KCNH1: variants seen among roughly 807,000 people sequenced by gnomAD.
The protein encoded by KCNH1 is voltage-gated delayed rectifier potassium channel KCNH1.
Under a neutral mutation model 69.2 loss-of-function variants are expected in KCNH1, and 27 were observed. The observed-to-expected ratio is 0.39, with a 90% CI of 0.29 to 0.54. KCNH1 has a LOEUF of 0.54. Ranked by LOEUF, KCNH1 falls within the 20% of genes least tolerant of loss-of-function variation. The pLI, the probability that KCNH1 is intolerant of heterozygous loss-of-function variation, is 0.68. For missense variants in KCNH1, 798 were observed against 1,261.6 expected, an observed-to-expected ratio of 0.63 and a Z score of 5.57; for synonymous variants, 456 against 487.7, an observed-to-expected ratio of 0.93 and a Z score of 0.86.
At chr1:211,005,693 T>C (rs907610261) in intron 6 of KCNH1, among the ~76,000 whole-genome samples, 7 of 152,066 alleles carry the variant, frequency 4.6e-5, no homozygotes, top group African/African-American at 1.4e-4. Flanking sequence ...AACTTGAAAG[T>C]ACAAAATTTA....
intron 10 of KCNH1, among the ~76,000 whole-genome samples, chr1:210,685,218 G>A (rs754790415): frequency 1.3e-5 from 2 of 152,216 alleles, no homozygotes; most frequent in Non-Finnish European, 2.9e-5. Context: ...ACTCTGGGAC[G>A]TGTTTTGACC....
At chr1:211,113,382 A>G (rs1691507725) in intron 1 of KCNH1, among the ~76,000 whole-genome samples, 1 of 152,214 alleles carries the variant, frequency 6.6e-6, no homozygotes, top group African/African-American at 2.4e-5. Context: ...ATATACAATG[A>G]TGCCCTCTGG....
Position 211,062,259 on chromosome 1 carries a change from T to A in KCNH1, c.558+20521A>T, listed in dbSNP as rs541594661. Among the ~76,000 whole-genome samples, 4 of 152,252 alleles carry A rather than the reference T, an allele frequency of 2.6e-5. No individual in the cohort carries two copies. In the East Asian group the frequency reaches 7.7e-4, roughly 29 times the overall value. On this transcript the variant is annotated intron_variant, in intron 5 of 10. Coordinates refer to ENST00000271751, the MANE Select transcript of KCNH1 (RefSeq NM_172362.3). ...AAATGGTGCCAGGAAAACTGGATTA[T>A]CCATATGAAGAAGGATGAAATTAGA...
In KCNH1 at chr1:210,779,474, T is replaced by C. The variant is rs73069537; in HGVS notation, c.1916-3930A>G. Among the ~76,000 whole-genome samples, 611 of 152,290 alleles carry C rather than the reference T, an allele frequency of 4.0e-3. 1 individual carries two copies. Among genetic ancestry groups the C allele is most frequent in the African/African-American group, 0.014 (574 of 41,568 alleles). On this transcript the variant is annotated intron_variant, in intron 9 of 10. Coordinates refer to ENST00000271751, the MANE Select transcript of KCNH1 (RefSeq NM_172362.3). ...AAGTTACACACAATGCTGGAAATAA[T>C]GACTTCCCAGGTCAGGGTTGCAAAT...
intron 6 of KCNH1, among the ~76,000 whole-genome samples, chr1:210,951,788 T>C (rs1216395190): frequency 3.9e-5 from 6 of 152,154 alleles, no homozygotes; most frequent in Non-Finnish European, 8.8e-5. Flanking sequence ...TCAGTACAAA[T>C]AGAATAACCC....
chr1:210,779,133 G>T (rs1362719388), intron 9 of KCNH1, among the ~76,000 whole-genome samples: 1 of 152,144 alleles, frequency 6.6e-6, no homozygotes, highest in African/African-American at 2.4e-5. Context: ...AATAAATGGA[G>T]GGTAGATCCT....
chr1:210,962,156 C>T (rs985903779), intron 6 of KCNH1, among the ~76,000 whole-genome samples: 4 of 152,206 alleles, frequency 2.6e-5, no homozygotes, highest in Non-Finnish European at 5.9e-5. Flanking sequence ...CTAGTTCCAT[C>T]TCCTTACTCA....
intron 10 of KCNH1, among the ~76,000 whole-genome samples, chr1:210,715,779 A>G (rs1245473079): frequency 6.6e-6 from 1 of 152,104 alleles, no homozygotes; most frequent in Non-Finnish European, 1.5e-5. Flanking sequence ...TGGAAGGGAA[A>G]CGCTCTCTGA....
At chr1:210,773,218 T>C (rs573650004) in intron 10 of KCNH1, among the ~76,000 whole-genome samples, 12 of 152,276 alleles carry the variant, frequency 7.9e-5, no homozygotes, top group African/African-American at 2.2e-4. Flanking sequence ...AGGAAGAACA[T>C]TGGATGCACA....
At chr1:210,908,448 G>A (rs1432124716) in intron 7 of KCNH1, among the ~76,000 whole-genome samples, 1 of 152,142 alleles carries the variant, frequency 6.6e-6, no homozygotes, top group Non-Finnish European at 1.5e-5. Flanking sequence ...TCCCAGGAGG[G>A]ATGGAATCAA....
At chr1:211,056,125 C>T (rs1448195451) in intron 5 of KCNH1, among the ~76,000 whole-genome samples, 6 of 152,148 alleles carry the variant, frequency 3.9e-5, no homozygotes, top group African/African-American at 9.7e-5. Context: ...CTGGGATCCC[C>T]GATTCATGGC....
chr1:210,951,163 A>T (rs750252735), intron 6 of KCNH1, among the ~76,000 whole-genome samples: 46 of 152,194 alleles, frequency 3.0e-4, no homozygotes, highest in Non-Finnish European at 5.0e-4. Context: ...TCCAAGAACC[A>T]GGGTGGACAT....
intron 5 of KCNH1, among the ~76,000 whole-genome samples, chr1:211,074,088 T>C (rs995363021): frequency 3.1e-5 from 4 of 128,252 alleles, no homozygotes; most frequent in Admixed American, 9.3e-5. Context: ...TTTCATTCAT[T>C]CCACCAATTA....
In KCNH1 at chr1:210,734,327, A is replaced by T. The variant is rs540058760; in HGVS notation, c.2112+41021T>A. Among the ~76,000 whole-genome samples the T allele has an allele frequency of 5.3e-5, 8 of 152,286 alleles. No homozygotes were observed. The East Asian group carries it at 1.5e-3, about 29-fold the overall frequency. On this transcript the variant is annotated intron_variant, in intron 10 of 10. Coordinates refer to ENST00000271751, the MANE Select transcript of KCNH1 (RefSeq NM_172362.3). ...AGCCCCCAGATGCAGGGACCTCATC[A>T]GAAGCTGTCTCTTCTTTGGGAGTCA...
At chr1:210,718,657 C>T (rs879451987) in intron 10 of KCNH1, among the ~76,000 whole-genome samples, 2,279 of 43,616 alleles carry the variant, frequency 0.052, 100 homozygotes, top group Middle Eastern at 0.1. Context: ...TATATACACA[C>T]ACACACACAC....
intron 10 of KCNH1, among the ~76,000 whole-genome samples, chr1:210,760,635 T>G (rs561541042): frequency 6.6e-6 from 1 of 152,252 alleles, no homozygotes; most frequent in East Asian, 1.9e-4. Flanking sequence ...AAAGAAAAAG[T>G]TTTAATGGAC....
chr1:210,745,169 A>G (rs1173287785), intron 10 of KCNH1, among the ~76,000 whole-genome samples: 1 of 152,182 alleles, frequency 6.6e-6, no homozygotes, highest in Non-Finnish European at 1.5e-5. Flanking sequence ...ATGCCACTGC[A>G]CTCCAGCCTG....
intron 7 of KCNH1, among the ~76,000 whole-genome samples, chr1:210,877,513 G>A (rs1379028625): frequency 6.6e-6 from 1 of 152,126 alleles, no homozygotes; most frequent in Non-Finnish European, 1.5e-5. Context: ...GGACCCATCT[G>A]CTTCATGAGC....
intron 10 of KCNH1, among the ~76,000 whole-genome samples, chr1:210,740,190 C>T (rs1682987098): frequency 6.6e-6 from 1 of 152,184 alleles, no homozygotes; most frequent in South Asian, 2.1e-4. Context: ...ACAAGACAAT[C>T]CAACCCTACA....
Sources: gnomAD v4.1 joint callset for allele counts (sites outside exome capture counted in the v4.1 genomes callset) on GRCh38, gnomAD v4.1.1 for gene constraint, MANE v1.5 for transcripts, NCBI Gene and HGNC (gene_info 2026-07-23, HGNC 2026-07-21) for gene names.